The following ARID4B variants were observed in gnomAD, a reference collection of about 807,000 sequenced individuals.
ARID4B encodes the protein AT-rich interactive domain-containing protein 4B.
A neutral mutation model predicts 147.5 loss-of-function variants in ARID4B; 26 were observed. That is an observed-to-expected ratio of 0.18 (90% CI 0.13 to 0.24). The LOEUF is 0.24. ARID4B is among the 10% of genes least tolerant of loss of function. The pLI, the probability that ARID4B is intolerant of heterozygous loss-of-function variation, is 1.00. For synonymous variants in ARID4B, 512 were observed against 507.9 expected, an observed-to-expected ratio of 1.01 and a Z score of -0.11; for missense variants, 1,179 against 1,511.5, an observed-to-expected ratio of 0.78 and a Z score of 3.65.
intron 6 of ARID4B, among the ~76,000 whole-genome samples, chr1:235,246,758 T>C (rs1193142428): frequency 6.6e-6 from 1 of 152,160 alleles, no homozygotes; most frequent in Non-Finnish European, 1.5e-5. Flanking sequence ...GATGATTCAT[T>C]ACCTATGTGA....
chr1:235,197,794 A>G (rs1665605107), intron 17 of ARID4B, among the ~76,000 whole-genome samples: 1 of 152,208 alleles, frequency 6.6e-6, no homozygotes, highest in Non-Finnish European at 1.5e-5. Flanking sequence ...AAGTACTTTG[A>G]AAAGCTTTAA....
intron 2 of ARID4B, among the ~76,000 whole-genome samples, chr1:235,310,114 C>T (rs1304711737): frequency 1.3e-5 from 2 of 151,804 alleles, no homozygotes; most frequent in Non-Finnish European, 2.9e-5. Flanking sequence ...ACCTTCCCTC[C>T]ACTATTGTCC....
At chr1:235,272,949 CAGAGAAGAATG>C (rs1417133761) in intron 2 of ARID4B, among the ~76,000 whole-genome samples, 41 of 152,152 alleles carry the variant, frequency 2.7e-4, no homozygotes, top group African/African-American at 9.2e-4. Flanking sequence ...TACAGGACTA[CAGAGAAGAATG>C]ATAGGGGCAT....
At chr1:235,288,023 G>GA (rs1672098385) in intron 2 of ARID4B, among the ~76,000 whole-genome samples, 1 of 152,146 alleles carries the variant, frequency 6.6e-6, no homozygotes, top group Non-Finnish European at 1.5e-5. Context: ...AAACATTAAT[G>GA]TGGCTGGGCG....
chr1:235,203,601 T>C (rs1158542930), intron 17 of ARID4B, among the ~76,000 whole-genome samples: 4 of 152,292 alleles, frequency 2.6e-5, no homozygotes, highest in African/African-American at 9.6e-5. Flanking sequence ...CTATAATGAA[T>C]AGATTCATTT....
At chr1:235,306,440 C>G (rs1266761217) in intron 2 of ARID4B, among the ~76,000 whole-genome samples, 1 of 150,494 alleles carries the variant, frequency 6.6e-6, no homozygotes, top group Non-Finnish European at 1.5e-5. Flanking sequence ...AAGGCAGAGG[C>G]TGCAGTGAGC....
intron 8 of ARID4B, 135 bp downstream of exon 8, chr1:235,240,174 AAAGT>A: frequency 1.4e-6 from 1 of 723,442 alleles, no homozygotes; most frequent in South Asian, 2.8e-5. Context: ...GACAACGTTG[AAAGT>A]AAGCTTAGTG....
intron 2 of ARID4B, among the ~76,000 whole-genome samples, chr1:235,304,946 G>C (rs551048695): frequency 1.3e-5 from 2 of 152,068 alleles, no homozygotes; most frequent in Non-Finnish European, 2.9e-5. Flanking sequence ...ACTCTGGTAG[G>C]CAGAATGCAC....
At chr1:235,308,504 A>C (rs897135566) in intron 2 of ARID4B, among the ~76,000 whole-genome samples, 1 of 107,402 alleles carries the variant, frequency 9.3e-6, no homozygotes, top group South Asian at 3.0e-4. Flanking sequence ...CTCTCTTTCC[A>C]CGGTCTCCCT....
chr1:235,173,759 AAAAAAAAAAAAAATATATATAT>A (rs1429560324), intron 22 of ARID4B, among the ~76,000 whole-genome samples: 1 of 50,882 alleles, frequency 2.0e-5, no homozygotes, highest in African/African-American at 1.1e-4. Context: ...AAAAAAAAAA[AAAAAAAAAAAAAATATATATAT>A]ATATATATAT....
chr1:235,260,989 T>C (rs774126986), intron 2 of ARID4B, among the ~76,000 whole-genome samples: 11 of 152,186 alleles, frequency 7.2e-5, no homozygotes, highest in Non-Finnish European at 1.3e-4. Context: ...ATTAAATACA[T>C]ATGGTCCATG....
Position 235,177,782 on chromosome 1 carries a change from T to TA in ARID4B, c.3448+17dup, listed in dbSNP as rs1558170485. On this transcript the variant is annotated intron_variant, in intron 21 of 23. Coordinates refer to ENST00000264183, the MANE Select transcript of ARID4B (RefSeq NM_016374.6). The stretch of plus-strand genomic sequence containing the variant: ...GCTATTATTTTTATATTTTAAAAAT[T>TA]AGAGATTTCACACTTACTGCCTTTT... 6.6e-7 allele frequency: 1 copy of TA among 1,514,650 alleles called. No individual in the cohort carries two copies. The allele number at this position is 1,514,650 out of a possible 1,614,324, so 93.8% of individuals were successfully genotyped here.
Position 235,180,969 on chromosome 1 carries a change from G to A in ARID4B, c.3334+616C>T, listed in dbSNP as rs577134645. ...AATTTCCACTTTTAACAATTTCACG[G>A]AAAATCAAAAAAGTATTACTGTAGG... is the stretch of plus-strand genomic sequence containing the variant. On this transcript the variant is annotated intron_variant, in intron 20 of 23. Coordinates refer to ENST00000264183, the MANE Select transcript of ARID4B (RefSeq NM_016374.6). 2.2e-4 allele frequency: 75 copies of A among 335,606 alleles called. No individual in the cohort carries two copies. In the East Asian group the frequency reaches 7.2e-3, roughly 32 times the overall value. The allele number at this position is 335,606 out of a possible 1,614,324, so 20.8% of individuals were successfully genotyped here. A position where few individuals can be genotyped will look rare whatever the true frequency, so the allele number is the denominator to read the frequency against.
At chr1:235,255,224 T>TAGAGAG (rs1491573596) in intron 5 of ARID4B, among the ~76,000 whole-genome samples, 1 of 100,908 alleles carries the variant, frequency 9.9e-6, no homozygotes, top group Non-Finnish European at 2.1e-5. Context: ...GGGAGCTAGA[T>TAGAGAG]AGATAGATAG....
intron 2 of ARID4B, among the ~76,000 whole-genome samples, chr1:235,265,026 C>G (rs1485531097): frequency 1.4e-5 from 2 of 147,642 alleles, no homozygotes; most frequent in Non-Finnish European, 3.0e-5. Flanking sequence ...TGCCGTTGCA[C>G]TCCAGCCTGG....
chr1:235,194,287 C>G, intron 18 of ARID4B, 76 bp from the exon 19 acceptor site: 3 of 1,052,644 alleles, frequency 2.8e-6, no homozygotes, highest in Non-Finnish European at 4.2e-6. Flanking sequence ...CCACTTTTAA[C>G]TCACTATTAC....
intron 2 of ARID4B, among the ~76,000 whole-genome samples, chr1:235,301,517 A>G (rs1673137534): frequency 7.0e-6 from 1 of 143,412 alleles, no homozygotes; most frequent in Non-Finnish European, 1.5e-5. Flanking sequence ...CCAGCCGGTG[A>G]GAGTGAGACC....
At chr1:235,273,391 C>G (rs1421764881) in intron 2 of ARID4B, among the ~76,000 whole-genome samples, 1 of 152,146 alleles carries the variant, frequency 6.6e-6, no homozygotes, top group Non-Finnish European at 1.5e-5. Flanking sequence ...CTCTCCTTTA[C>G]AGAGATGATG....
At chr1:235,255,491 T>C (rs1382647074) in intron 5 of ARID4B, among the ~76,000 whole-genome samples, 169 bp downstream of exon 5, 1 of 152,084 alleles carries the variant, frequency 6.6e-6, no homozygotes, top group Non-Finnish European at 1.5e-5. Context: ...TACATATACA[T>C]ACATATACTT....
Sources: allele counts gnomAD v4.1 joint callset (sites outside exome capture counted in the v4.1 genomes callset), GRCh38; gene constraint gnomAD v4.1.1; transcripts MANE v1.5; gene names NCBI Gene and HGNC (gene_info 2026-07-23, HGNC 2026-07-21).